UGT1A8: variants seen among roughly 807,000 people sequenced by gnomAD.
UGT1A8 encodes the protein UDP glucuronosyltransferase family 1 member A8.
A neutral mutation model predicts 45.3 loss-of-function variants in UGT1A8; 39 were observed. The observed-to-expected ratio is 0.86, with a 90% CI of 0.67 to 1.12. The LOEUF (loss-of-function observed/expected upper bound fraction) is 1.12. Ranked by LOEUF, UGT1A8 falls within the 50% of genes most tolerant of loss-of-function variation. The probability of loss-of-function intolerance (pLI) is 0.00; values close to 1 mark genes in which losing one functional copy is unlikely to be tolerated. For synonymous variants in UGT1A8, 275 were observed against 249.2 expected, an observed-to-expected ratio of 1.10 and a Z score of -0.97; for missense variants, 719 against 664.9, an observed-to-expected ratio of 1.08 and a Z score of -0.90.
At chr2:233,669,882 A>T (rs1301526665) in intron 1 of UGT1A8, among the ~76,000 whole-genome samples, 3 of 151,992 alleles carry the variant, frequency 2.0e-5, no homozygotes, top group Non-Finnish European at 4.4e-5. Flanking sequence ...ATAGGGTTTC[A>T]CCATGTTGGC....
At chr2:233,717,743 G>T (rs182116418) in intron 1 of UGT1A8, 1 of 456,536 alleles carries the variant, frequency 2.2e-6, no homozygotes, top group East Asian at 6.9e-5. Context: ...AGTGCTCAGG[G>T]TCTCCCCCTA....
At chr2:233,640,836 A>G (rs1319797018) in intron 1 of UGT1A8, among the ~76,000 whole-genome samples, 4 of 152,118 alleles carry the variant, frequency 2.6e-5, no homozygotes, top group African/African-American at 2.4e-5. Context: ...AAGATTTGTC[A>G]TTGTTGCTAT....
intron 1 of UGT1A8, among the ~76,000 whole-genome samples, chr2:233,734,109 T>C (rs1028372875): frequency 6.6e-6 from 1 of 152,072 alleles, no homozygotes; most frequent in African/African-American, 2.4e-5. Flanking sequence ...AGTATAATAA[T>C]AATAATAATA....
chr2:233,663,353 G>C (rs555140641), intron 1 of UGT1A8, among the ~76,000 whole-genome samples: 1 of 152,162 alleles, frequency 6.6e-6, no homozygotes, highest in Non-Finnish European at 1.5e-5. Flanking sequence ...GTGGGTTGGG[G>C]GAATCCAGTA....
rs35802766 is a variant in UGT1A8, at chr2:233,761,211, C to T, written c.856-5823C>T. Reference sequence around the variant, plus strand: ...TTCTTTCAGATGTATTACTTTGGATCGATTAACTAGCCCCAGATATATGCT... The same window carrying T: ...TTCTTTCAGATGTATTACTTTGGATTGATTAACTAGCCCCAGATATATGCT... On this transcript the variant is annotated intron_variant, in intron 1 of 4. Coordinates refer to ENST00000373450, the MANE Select transcript of UGT1A8 (RefSeq NM_019076.5). 81 of 1,613,620 alleles carry T rather than the reference C, an allele frequency of 5.0e-5. No homozygotes were observed. In the East Asian group the frequency reaches 6.7e-4, roughly 13 times the overall value.
chr2:233,698,753 A>G (rs887164106), intron 1 of UGT1A8, among the ~76,000 whole-genome samples: 4 of 152,244 alleles, frequency 2.6e-5, no homozygotes, highest in African/African-American at 7.2e-5. Context: ...ACATAATGCT[A>G]TGATTCAGAA....
chr2:233,651,994 G>GA lies in UGT1A8; in HGVS notation c.855+33442dup, dbSNP rs909221234. Among the ~76,000 whole-genome samples the GA allele has an allele frequency of 7.2e-3, 1,068 of 147,922 alleles. 16 individuals carry two copies. Among genetic ancestry groups the GA allele is most frequent in the African/African-American group, 0.025 (998 of 40,446 alleles). On this transcript the variant is annotated intron_variant, in intron 1 of 4. Transcript: ENST00000373450. ...AGAACATCAAGATAGTTTTAATTAA[G>GA]AAAAAAAAAAGGAATCACTGCCAGG...
At chr2:233,720,301 T>C (rs1312639671) in intron 1 of UGT1A8, among the ~76,000 whole-genome samples, 1 of 151,768 alleles carries the variant, frequency 6.6e-6, no homozygotes, top group Non-Finnish European at 1.5e-5. Flanking sequence ...GAGTTGGGGG[T>C]CTGGTGTATG....
At chr2:233,763,403 G>T (rs1219713616) in intron 1 of UGT1A8, among the ~76,000 whole-genome samples, 1 of 152,040 alleles carries the variant, frequency 6.6e-6, no homozygotes, top group Non-Finnish European at 1.5e-5. Context: ...CATGGCACTG[G>T]TATTTTTAAT....
At chr2:233,723,514 A>ACC (rs1243846588) in intron 1 of UGT1A8, among the ~76,000 whole-genome samples, 21 of 107,656 alleles carry the variant, frequency 2.0e-4, no homozygotes, top group African/African-American at 9.0e-4. Flanking sequence ...CTGGTCAACA[A>ACC]TCTTTTTTTT....
chr2:233,711,047 C>G (rs2076160015), intron 1 of UGT1A8, among the ~76,000 whole-genome samples: 2 of 152,134 alleles, frequency 1.3e-5, no homozygotes, highest in African/African-American at 4.8e-5. Flanking sequence ...TCACTGACAC[C>G]CATGGCTTCA....
intron 1 of UGT1A8, chr2:233,671,952 G>T (rs1191029711): frequency 6.2e-7 from 1 of 1,612,884 alleles, no homozygotes; most frequent in Non-Finnish European, 8.5e-7. Context: ...GCACAGGGTG[G>T]ACCAGCCCCC....
chr2:233,681,774 T>G, intron 1 of UGT1A8: 3 of 931,158 alleles, frequency 3.2e-6, no homozygotes, highest in African/African-American at 1.8e-5. Flanking sequence ...AGGCTACTCA[T>G]GTATTATTAT....
intron 1 of UGT1A8, among the ~76,000 whole-genome samples, chr2:233,665,786 T>A (rs1054654385): frequency 6.6e-6 from 1 of 152,180 alleles, no homozygotes; most frequent in East Asian, 1.9e-4. Context: ...ATTTTATTCT[T>A]ATGGATAAAT....
intron 1 of UGT1A8, among the ~76,000 whole-genome samples, chr2:233,701,445 A>G (rs2075628639): frequency 6.6e-6 from 1 of 152,168 alleles, no homozygotes; most frequent in Admixed American, 6.5e-5. Flanking sequence ...CGAGACAGAA[A>G]GTTAACAAGG....
At chr2:233,648,627 AT>A (rs56737893) in intron 1 of UGT1A8, among the ~76,000 whole-genome samples, 150,422 of 150,488 alleles carry the variant, frequency 1, 75,179 homozygotes, top group Middle Eastern at 1. Flanking sequence ...CGCCTGGCTA[AT>A]TTTTTTTTTG....
At chr2:233,711,223 C>T (rs1464133261) in intron 1 of UGT1A8, among the ~76,000 whole-genome samples, 2 of 152,210 alleles carry the variant, frequency 1.3e-5, no homozygotes, top group Non-Finnish European at 2.9e-5. Flanking sequence ...GCTCCCATGT[C>T]GCTGAAGGCA....
In UGT1A8 at chr2:233,752,049, A is replaced by C. The variant is rs1694880379; in HGVS notation, c.856-14985A>C. On this transcript the variant is annotated intron_variant, in intron 1 of 4. Transcript: ENST00000373450. ...TCCTAGAAAGGTAAGCTGTTGTGTG[A>C]ATGATTTCCCGAGATGGGGAAGTCT... Among the ~76,000 whole-genome samples the C allele has an allele frequency of 2.0e-5, 3 of 152,224 alleles. 1 individual carries two copies. The highest frequency in any genetic ancestry group is 7.2e-5 in the African/African-American group (3 of 41,440).
At chr2:233,619,585 A>G (rs1476139138) in intron 1 of UGT1A8, among the ~76,000 whole-genome samples, 1 of 152,192 alleles carries the variant, frequency 6.6e-6, no homozygotes, top group Non-Finnish European at 1.5e-5. Flanking sequence ...TATATACATA[A>G]ATAAAAATTT....
Sources: gnomAD v4.1 joint callset for allele counts (sites outside exome capture counted in the v4.1 genomes callset) on GRCh38, gnomAD v4.1.1 for gene constraint, MANE v1.5 for transcripts, NCBI Gene and HGNC (gene_info 2026-07-23, HGNC 2026-07-21) for gene names.